Variants in CFAP54 observed in about 807,000 individuals in gnomAD.
CFAP54 encodes cilia and flagella associated protein 54.
In CFAP54, 290 loss-of-function variants were observed where a neutral mutation model predicts 370.4. The observed-to-expected ratio is 0.78, with a 90% CI of 0.71 to 0.86. The LOEUF is 0.86. CFAP54 is among the 40% of genes least tolerant of loss of function. CFAP54 has a pLI of 0.00. For missense variants in CFAP54, 3,399 were observed against 3,528.7 expected, an observed-to-expected ratio of 0.96 and a Z score of 0.93; for synonymous variants, 1,206 against 1,236.5, an observed-to-expected ratio of 0.98 and a Z score of 0.52.
At chr12:96,634,073 T>TTTTTTTG in intron 32 of CFAP54, among the ~76,000 whole-genome samples, 1 of 139,500 alleles carries the variant, frequency 7.2e-6, no homozygotes. Context: ...TTTTTTTTTT[T>TTTTTTTG]GAGATGGAGT....
intron 34 of CFAP54, among the ~76,000 whole-genome samples, chr12:96,649,064 ATAGACTTT>A (rs1050186850): frequency 3.9e-5 from 6 of 152,198 alleles, no homozygotes; most frequent in African/African-American, 1.4e-4. Context: ...ACATACTCAT[ATAGACTTT>A]TAGTAATGAC....
At chr12:96,777,641 G>A (rs1024805937) in intron 60 of CFAP54, among the ~76,000 whole-genome samples, 3 of 151,904 alleles carry the variant, frequency 2.0e-5, no homozygotes, top group African/African-American at 4.8e-5. Context: ...GAGCCACTGC[G>A]CCTGGCCCAT....
chr12:96,859,685 G>A (rs1420493952), intron 66 of CFAP54, among the ~76,000 whole-genome samples: 7 of 152,138 alleles, frequency 4.6e-5, no homozygotes, highest in Admixed American at 1.3e-4. Flanking sequence ...GATTACAGGC[G>A]TGAGCCACCA....
intron 39 of CFAP54, among the ~76,000 whole-genome samples, chr12:96,672,882 A>G (rs1957165390): frequency 6.6e-6 from 1 of 152,218 alleles, no homozygotes; most frequent in Non-Finnish European, 1.5e-5. Context: ...AAAATTCTAG[A>G]CCTGTGTACC....
At chr12:96,557,522 A>C (rs1056331544) in intron 17 of CFAP54, among the ~76,000 whole-genome samples, 1 of 152,144 alleles carries the variant, frequency 6.6e-6, no homozygotes, top group African/African-American at 2.4e-5. Flanking sequence ...ATAGCAAAAA[A>C]CTGGAAACAA....
intron 50 of CFAP54, among the ~76,000 whole-genome samples, chr12:96,733,344 G>A (rs535717732): frequency 2.6e-5 from 4 of 152,254 alleles, no homozygotes; most frequent in African/African-American, 4.8e-5. Flanking sequence ...GACATTTCAT[G>A]ATACTTCTAA....
At chr12:96,747,190 C>T (rs1423947812) in intron 55 of CFAP54, among the ~76,000 whole-genome samples, 1 of 152,186 alleles carries the variant, frequency 6.6e-6, no homozygotes, top group African/African-American at 2.4e-5. Context: ...CATTAGACTA[C>T]TATGCAACCA....
intron 55 of CFAP54, among the ~76,000 whole-genome samples, chr12:96,750,582 G>C (rs1958171143): frequency 6.6e-6 from 1 of 152,080 alleles, no homozygotes; most frequent in South Asian, 2.1e-4. Context: ...GATCTCATGA[G>C]AGCTATTTTT....
chr12:96,849,337 T>G (rs1305205604), intron 66 of CFAP54, among the ~76,000 whole-genome samples: 1 of 152,230 alleles, frequency 6.6e-6, no homozygotes, highest in Non-Finnish European at 1.5e-5. Flanking sequence ...TCTCAATTGT[T>G]CAATATCCCA....
rs1471450568 is a variant in CFAP54 at position 96,500,930 on chromosome 12, T to C, written c.414T>C (p.Cys138=). The change falls in exon 2 of 68, where the codon TGT becomes TGC. Residue 138 remains cysteine, a synonymous_variant. Transcript: ENST00000524981. ...EKLLKVGDSL[C]QMKEYKLALL... ...TTCTGAAGGTTGGAGATAGCCTTTG[T>C]CAAATGAAAGTAAGTGCCTCTGCAG... 7 of 1,532,932 alleles carry C rather than the reference T, an allele frequency of 4.6e-6. No homozygotes were observed. In the African/African-American group the frequency reaches 9.6e-5, roughly 21 times the overall value. The allele number at this position is 1,532,932 out of a possible 1,614,324, so 95.0% of individuals were successfully genotyped here.
chr12:96,709,018 A>T (rs912486540), intron 48 of CFAP54, among the ~76,000 whole-genome samples: 1 of 152,212 alleles, frequency 6.6e-6, no homozygotes, highest in African/African-American at 2.4e-5. Flanking sequence ...TATATAATAC[A>T]CTATCATATG....
At chr12:96,506,184 A>G (rs1172017219) in intron 3 of CFAP54, among the ~76,000 whole-genome samples, 1 of 151,974 alleles carries the variant, frequency 6.6e-6, no homozygotes, top group African/African-American at 2.4e-5. Flanking sequence ...CTAAAAATAC[A>G]AAAAAGTAAC....
chr12:96,512,333 A>G (rs1475225206), intron 4 of CFAP54, among the ~76,000 whole-genome samples: 2 of 37,422 alleles, frequency 5.3e-5, no homozygotes, highest in East Asian at 5.0e-4. Flanking sequence ...ATATATATAT[A>G]TATATATATA....
At chr12:96,531,684 TTTAA>T (rs1955441575) in intron 9 of CFAP54, among the ~76,000 whole-genome samples, 5 of 152,194 alleles carry the variant, frequency 3.3e-5, no homozygotes, top group Admixed American at 3.3e-4. Flanking sequence ...TGTTTACCTA[TTTAA>T]TTATTTGTTT....
At chr12:96,537,435 G>C (rs1224520875) in intron 12 of CFAP54, among the ~76,000 whole-genome samples, 1 of 152,010 alleles carries the variant, frequency 6.6e-6, no homozygotes, top group South Asian at 2.1e-4. Flanking sequence ...TCTGCCTCCC[G>C]GGTTCAAGCG....
chr12:96,581,694 GCA>G lies in CFAP54; in HGVS notation c.3075+597_3075+598del, dbSNP rs1243517606. On this transcript the variant is annotated intron_variant, in intron 22 of 67. Coordinates refer to ENST00000524981, the MANE Select transcript of CFAP54 (RefSeq NM_001306084.2). ...AATTAATATATATATATATATACAT[GCA>G]CACACACGTGTATATGAATTTATGT... 7.3e-5 allele frequency among the ~76,000 whole-genome samples: 11 copies of G among 150,452 alleles called. No homozygotes were observed. The East Asian group carries it at 2.1e-3, about 29-fold the overall frequency.
chr12:96,767,698 A>G lies in CFAP54; in HGVS notation c.8281+2480A>G, dbSNP rs907073205. ...CCACTTGGTTGCCACTAATACCCAGATGGCAATGAGGTTCATATTATAATG... is the reference window on the plus strand; with the variant it reads ...CCACTTGGTTGCCACTAATACCCAGGTGGCAATGAGGTTCATATTATAATG... On this transcript the variant is annotated intron_variant, in intron 60 of 67. Coordinates refer to ENST00000524981, the MANE Select transcript of CFAP54 (RefSeq NM_001306084.2). Among the ~76,000 whole-genome samples, 4 of 152,164 alleles carry G rather than the reference A, an allele frequency of 2.6e-5. No individual in the cohort carries two copies. The South Asian group carries it at 8.3e-4, about 32-fold the overall frequency.
At chr12:96,864,558 T>C (rs776869354) in intron 67 of CFAP54, among the ~76,000 whole-genome samples, 36 of 152,046 alleles carry the variant, frequency 2.4e-4, no homozygotes, top group Non-Finnish European at 4.0e-4. Flanking sequence ...TCCAGAAACT[T>C]GGTTTCTGCC....
chr12:96,548,307 A>G (rs1955661350), intron 15 of CFAP54, among the ~76,000 whole-genome samples: 1 of 152,076 alleles, frequency 6.6e-6, no homozygotes, highest in Middle Eastern at 3.2e-3. Flanking sequence ...CCTATCCTAA[A>G]TAATAATGTC....
Sources: gnomAD v4.1 joint callset for allele counts (sites outside exome capture counted in the v4.1 genomes callset) on GRCh38, gnomAD v4.1.1 for gene constraint, MANE v1.5 for transcripts, NCBI Gene and HGNC (gene_info 2026-07-23, HGNC 2026-07-21) for gene names.